The following ZBTB8B variants were observed in gnomAD, a reference collection of about 807,000 sequenced individuals.
The protein encoded by ZBTB8B is zinc finger and BTB domain-containing protein 8B.
Under a neutral mutation model 30.3 loss-of-function variants are expected in ZBTB8B, and 17 were observed. The observed-to-expected ratio is 0.56, with a 90% CI of 0.38 to 0.84. The LOEUF is 0.84. Ranked by LOEUF, ZBTB8B falls within the 40% of genes least tolerant of loss-of-function variation. The pLI, the probability that ZBTB8B is intolerant of heterozygous loss-of-function variation, is 0.00. For missense variants in ZBTB8B, 515 were observed against 644.9 expected (o/e 0.80, Z 2.18); for synonymous variants, 248 against 255.6 (o/e 0.97, Z 0.28).
intron 2 of ZBTB8B, among the ~76,000 whole-genome samples, chr1:32,472,983 G>T (rs866644093): frequency 2.0e-5 from 3 of 152,322 alleles, no homozygotes; most frequent in Admixed American, 6.5e-5. Flanking sequence ...CCTTTGGTGG[G>T]CTTTTGCGTT....
At position 32,481,772 on chromosome 1, in the gene ZBTB8B, C is replaced by T. The variant is rs181706452; in HGVS notation, c.1170+703C>T. Among the ~76,000 whole-genome samples the T allele has an allele frequency of 9.9e-4, 150 of 152,228 alleles. 1 individual carries two copies. Among genetic ancestry groups the T allele is most frequent in the Admixed American group, 6.0e-3 (92 of 15,280 alleles). On this transcript the variant is annotated intron_variant, in intron 3 of 3. Coordinates refer to ENST00000609129, the MANE Select transcript of ZBTB8B (RefSeq NM_001145720.2). Reference sequence around the variant, plus strand: ...TGCTCCTCTCCCACCTCCCACCCTCCGGTAGACCCCAGTGTCTGCCGTTTC... The same window carrying T: ...TGCTCCTCTCCCACCTCCCACCCTCTGGTAGACCCCAGTGTCTGCCGTTTC...
At chr1:32,470,453 T>C (rs1643606700) in intron 1 of ZBTB8B, 131 bp from the exon 2 acceptor site, 2 of 860,644 alleles carry the variant, frequency 2.3e-6, no homozygotes, top group East Asian at 3.0e-5. Flanking sequence ...TGAGCCGAGA[T>C]TGCGCCACTT....
At chr1:32,483,124 C>T (rs1055659254) in intron 3 of ZBTB8B, among the ~76,000 whole-genome samples, 1 of 151,678 alleles carries the variant, frequency 6.6e-6, no homozygotes, top group Admixed American at 6.6e-5. Flanking sequence ...AGCACGGTGG[C>T]TCACACCTGT....
chr1:32,469,317 C>A (rs1643598560), intron 1 of ZBTB8B, among the ~76,000 whole-genome samples: 1 of 144,390 alleles, frequency 6.9e-6, no homozygotes, highest in Non-Finnish European at 1.5e-5. Context: ...GCAGTCTCAG[C>A]TCACTGCAAC....
chr1:32,470,480 AC>A, intron 1 of ZBTB8B, 103 bp from the exon 2 acceptor site: 1 of 1,170,010 alleles, frequency 8.5e-7, no homozygotes, highest in Non-Finnish European at 1.1e-6. Flanking sequence ...AGCCTGGGCA[AC>A]AGAGCAAGAC....
intron 2 of ZBTB8B, 42 bp downstream of exon 2, chr1:32,471,657 T>G (rs1643622375): frequency 6.6e-7 from 1 of 1,521,878 alleles, no homozygotes; most frequent in African/African-American, 1.4e-5. Context: ...AGTGATTGAG[T>G]ACACACTGTC....
At chr1:32,471,738 C>T in intron 2 of ZBTB8B, 123 bp downstream of exon 2, 1 of 1,074,062 alleles carries the variant, frequency 9.3e-7, no homozygotes, top group Admixed American at 2.7e-5. Flanking sequence ...ATTATCAGTA[C>T]CATCATCACC....
chr1:32,471,744 T>C, intron 2 of ZBTB8B, 129 bp downstream of exon 2: 2 of 1,036,134 alleles, frequency 1.9e-6, no homozygotes, highest in Non-Finnish European at 2.7e-6. Context: ...AGTACCATCA[T>C]CACCAGTACC....
At position 32,492,225 on chromosome 1, in the gene ZBTB8B, C is replaced by T. The variant is rs1643784074; in HGVS notation, c.*6807C>T. ...ATTGAATGGACATGTCTGAGTATTC[C>T]ATCAGTCATATTTTGATGGGAGCCT... is the stretch of plus-strand genomic sequence containing the variant. On this transcript the variant is annotated 3_prime_UTR_variant, in exon 4 of 4. Coordinates refer to ENST00000609129, the MANE Select transcript of ZBTB8B (RefSeq NM_001145720.2). 1 of 152,210 alleles carries T rather than the reference C, an allele frequency of 6.6e-6. No homozygotes were observed. Among genetic ancestry groups the T allele is most frequent in the Non-Finnish European group, 1.5e-5 (1 of 68,522 alleles). The allele number at this position is 152,210 out of a possible 1,614,324, so 9.4% of individuals were successfully genotyped here. A position where few individuals can be genotyped will look rare whatever the true frequency, so the allele number is the denominator to read the frequency against.
intron 2 of ZBTB8B, among the ~76,000 whole-genome samples, chr1:32,476,590 A>T (rs1183988431): frequency 6.6e-6 from 1 of 152,038 alleles, no homozygotes; most frequent in East Asian, 1.9e-4. Flanking sequence ...GGATCTTTTA[A>T]ATCTGGCCAT....
rs1643753266 is a variant in ZBTB8B, at chr1:32,487,356, T to C, written c.*1938T>C. 6.6e-6 allele frequency: 1 copy of C among 152,202 alleles called. No individual in the cohort carries two copies. The highest frequency in any genetic ancestry group is 2.1e-4 in the South Asian group (1 of 4,820). 9.4% of individuals were successfully genotyped at this position (152,202 alleles called of 1,614,324 possible). ...GAAATTAAGAATACACATATAGAAA[T>C]GTTGATAACACTTTGACATTGCTGT... On this transcript the variant is annotated 3_prime_UTR_variant, in exon 4 of 4. Transcript: ENST00000609129.
chr1:32,495,172 C>T lies in ZBTB8B; in HGVS notation c.*9754C>T, dbSNP rs1443502014. Reference sequence around the variant, plus strand: ...GAACAATCTTATTTGAAACAGAAAACCACATATTTTTAAGTCAGCAGCCCA... The same window carrying T: ...GAACAATCTTATTTGAAACAGAAAATCACATATTTTTAAGTCAGCAGCCCA... On this transcript the variant is annotated 3_prime_UTR_variant, in exon 4 of 4. Coordinates refer to ENST00000609129, the MANE Select transcript of ZBTB8B (RefSeq NM_001145720.2). 1 of 152,082 alleles carries T rather than the reference C, an allele frequency of 6.6e-6. No homozygotes were observed. The highest frequency in any genetic ancestry group is 1.9e-4 in the East Asian group (1 of 5,198). The allele number at this position is 152,082 out of a possible 1,614,324, so 9.4% of individuals were successfully genotyped here.
rs1461196319 is a variant in ZBTB8B, at chr1:32,487,984, T to C, written c.*2566T>C. On this transcript the variant is annotated 3_prime_UTR_variant, in exon 4 of 4. Transcript: ENST00000609129. ...CAGGCGCAGTGGCTCACGCCTGTAA[T>C]CCCAACACTTTGGGAGGCCAAGGCA... The C allele has an allele frequency of 1.3e-5, 2 of 152,170 alleles. No individual in the cohort carries two copies. Among genetic ancestry groups the C allele is most frequent in the Non-Finnish European group, 2.9e-5 (2 of 68,054 alleles). The allele number at this position is 152,170 out of a possible 1,614,324, so 9.4% of individuals were successfully genotyped here.
rs1643561545 is a variant in ZBTB8B at position 32,465,125 on chromosome 1, T to C, written c.-42+20T>C. ...TGGAAGGTGAGCGCGAAGAAGCGGGTTGGCGCTGCCGCTTTCGTTGGTTTG... is the reference window on the plus strand; with the variant it reads ...TGGAAGGTGAGCGCGAAGAAGCGGGCTGGCGCTGCCGCTTTCGTTGGTTTG... On this transcript the variant is annotated intron_variant, in intron 1 of 3. Transcript: ENST00000609129. The surrounding 1 kb of genome is among the most constrained non-coding windows in gnomAD (Gnocchi z 4.1). 1 of 152,306 alleles carries C rather than the reference T, an allele frequency of 6.6e-6. No individual in the cohort carries two copies. Among genetic ancestry groups the C allele is most frequent in the Admixed American group, 6.5e-5 (1 of 15,284 alleles). 9.4% of individuals were successfully genotyped at this position (152,306 alleles called of 1,614,324 possible). A position where few individuals can be genotyped will look rare whatever the true frequency, so the allele number is the denominator to read the frequency against.
rs1305425677 is a variant in ZBTB8B at position 32,496,099 on chromosome 1, A to C, written c.*10681A>C. On this transcript the variant is annotated 3_prime_UTR_variant, in exon 4 of 4. Transcript: ENST00000609129. ...GAACTATTAGAGCTCTAAACAGAAG[A>C]AGCTTCCATCAAACCGTTTTTCCCA... is the stretch of plus-strand genomic sequence containing the variant. 4.6e-5 allele frequency: 7 copies of C among 152,164 alleles called. No individual in the cohort carries two copies. Among genetic ancestry groups the C allele is most frequent in the East Asian group, 1.9e-4 (1 of 5,196 alleles). The allele number at this position is 152,164 out of a possible 1,614,324, so 9.4% of individuals were successfully genotyped here.
chr1:32,478,809 G>C (rs1275852766), intron 2 of ZBTB8B, among the ~76,000 whole-genome samples: 4 of 152,090 alleles, frequency 2.6e-5, no homozygotes, highest in Non-Finnish European at 5.9e-5. Flanking sequence ...GAGCCAGTTA[G>C]GTATCCCAAG....
chr1:32,471,772 CACCAGTATCGTCATCATT>C (rs1643623264), intron 2 of ZBTB8B, among the ~76,000 whole-genome samples, 157 bp downstream of exon 2: 1 of 152,178 alleles, frequency 6.6e-6, no homozygotes, highest in African/African-American at 2.4e-5. Context: ...TTACCATCAT[CACCAGTATCGTCATCATT>C]ACCATCATCA....
chr1:32,474,804 T>TGTAA (rs1010089001), intron 2 of ZBTB8B, among the ~76,000 whole-genome samples: 4 of 152,232 alleles, frequency 2.6e-5, no homozygotes, highest in African/African-American at 9.6e-5. Flanking sequence ...TTCGTAAGAA[T>TGTAA]GTAAGTAGTA....
rs919528205 is a variant in ZBTB8B, at chr1:32,495,745, GGTAGT to G, written c.*10331_*10335del. ...TTAGAATGAGTTGTTAGCTGGGTGTGGTAGTGTACACCTGTAGTCCCAGCTACTCC... is the reference window on the plus strand; with the variant it reads ...TTAGAATGAGTTGTTAGCTGGGTGTGGTACACCTGTAGTCCCAGCTACTCC... On this transcript the variant is annotated 3_prime_UTR_variant, in exon 4 of 4. Transcript: ENST00000609129. 2 of 152,140 alleles carry G rather than the reference GGTAGT, an allele frequency of 1.3e-5. No homozygotes were observed. Among genetic ancestry groups the G allele is most frequent in the Non-Finnish European group, 2.9e-5 (2 of 68,026 alleles). 9.4% of individuals were successfully genotyped at this position (152,140 alleles called of 1,614,324 possible). A position where few individuals can be genotyped will look rare whatever the true frequency, so the allele number is the denominator to read the frequency against.
Sources: allele counts gnomAD v4.1 joint callset (sites outside exome capture counted in the v4.1 genomes callset), GRCh38; gene constraint gnomAD v4.1.1; non-coding constraint Gnocchi (gnomAD v3.1); transcripts MANE v1.5; gene names NCBI Gene and HGNC (gene_info 2026-07-23, HGNC 2026-07-21).